Variants in MYBPC2 observed in about 807,000 individuals in gnomAD.
MYBPC2 encodes myosin binding protein C2.
In MYBPC2, 122 loss-of-function variants were observed where a neutral mutation model predicts 137.0. The observed-to-expected ratio is 0.89, with a 90% CI of 0.77 to 1.03. The LOEUF (loss-of-function observed/expected upper bound fraction) is 1.03, where lower values mean the gene tolerates loss of function less well. Among genes scored for constraint, MYBPC2 ranks in the 50% least tolerant of loss-of-function variants. The pLI, the probability that MYBPC2 is intolerant of heterozygous loss-of-function variation, is 0.00. For synonymous variants in MYBPC2, 626 were observed against 612.3 expected (o/e 1.02, Z -0.33); for missense variants, 1,500 against 1,534.4 (o/e 0.98, Z 0.37).
At chr19:50,443,672 G>T (rs754017850) in intron 10 of MYBPC2, 39 bp from the exon 11 acceptor site, 3 of 1,611,372 alleles carry the variant, frequency 1.9e-6, no homozygotes, top group East Asian at 4.5e-5. Context: ...TCTGGAGGGG[G>T]TCCTGAAACG....
chr19:50,455,744 C>T, intron 20 of MYBPC2, 100 bp downstream of exon 20: 2 of 1,494,014 alleles, frequency 1.3e-6, no homozygotes, highest in Non-Finnish European at 1.8e-6. Flanking sequence ...GAGATGGGTG[C>T]AGTGGCCTGC....
intron 1 of MYBPC2, among the ~76,000 whole-genome samples, chr19:50,433,887 G>A (rs1345538502): frequency 6.6e-6 from 1 of 150,950 alleles, no homozygotes; most frequent in East Asian, 2.0e-4. Flanking sequence ...ACCAGCCTGG[G>A]CAACATGGCG....
chr19:50,464,561 C>T, intron 27 of MYBPC2, 29 bp downstream of exon 27: 1 of 1,571,666 alleles, frequency 6.4e-7, no homozygotes, highest in East Asian at 2.3e-5. Flanking sequence ...CCAACACTGG[C>T]TGACCCTTGC....
intron 20 of MYBPC2, among the ~76,000 whole-genome samples, chr19:50,456,421 G>A (rs893748149): frequency 3.7e-5 from 5 of 134,594 alleles, no homozygotes; most frequent in Admixed American, 8.6e-5. Flanking sequence ...TATTTCCTTC[G>A]TTTCTCTCTC....
rs202201938 is a variant in MYBPC2 at position 50,436,069 on chromosome 19, C to T, written c.254C>T (p.Thr85Ile). 4 of 1,584,496 alleles carry T rather than the reference C, an allele frequency of 2.5e-6. No individual in the cohort carries two copies. The highest frequency in any genetic ancestry group is 3.4e-6 in the Non-Finnish European group (4 of 1,165,354). Residue 85 changes from threonine to isoleucine, a missense_variant, in exon 4 of 28, where the codon ACC becomes ATC. Thr to Ile is a moderately conservative substitution (Grantham distance 89). Transcript: ENST00000357701. Reference protein sequence around the residue: ...VNGKELPDKPTIKWFKGKWLE... With the variant: ...VNGKELPDKPIIKWFKGKWLE... The stretch of plus-strand genomic sequence containing the variant: ...GGGAAGGAGCTCCCAGACAAACCGA[C>T]CATCAAGTGGTTCAAGGGGAAGTGG...
chr19:50,460,363 G>A (rs2039961268), intron 24 of MYBPC2, among the ~76,000 whole-genome samples, 184 bp downstream of exon 24: 1 of 152,096 alleles, frequency 6.6e-6, no homozygotes, highest in African/African-American at 2.4e-5. Flanking sequence ...TTTTTTCACT[G>A]AGGTAAACGT....
chr19:50,444,590 T>C (rs2039786430), intron 11 of MYBPC2, among the ~76,000 whole-genome samples: 1 of 152,026 alleles, frequency 6.6e-6, no homozygotes, highest in South Asian at 2.1e-4. Context: ...AGAAAAAAAA[T>C]GTCAACATGG....
intron 16 of MYBPC2, 24 bp from the exon 17 acceptor site, chr19:50,453,996 A>G: frequency 6.4e-7 from 1 of 1,572,354 alleles, no homozygotes; most frequent in Non-Finnish European, 8.6e-7. Context: ...ATGGGGTGCA[A>G]GGCCATCTGG....
chr19:50,451,857 C>T lies in MYBPC2; in HGVS notation c.1610-7C>T, dbSNP rs1345551663. On this transcript the variant is annotated splice_region_variant and splice_polypyrimidine_tract_variant and intron_variant, in intron 15 of 27. Transcript: ENST00000357701. ...CCAGGGTCCCTGTATCTCTTCTGTGCCACCAGAGCCACCAAAGATCCACTT... is the reference window on the plus strand; with the variant it reads ...CCAGGGTCCCTGTATCTCTTCTGTGTCACCAGAGCCACCAAAGATCCACTT... 2 of 1,589,334 alleles carry T rather than the reference C, an allele frequency of 1.3e-6. No individual in the cohort carries two copies. The highest frequency in any genetic ancestry group is 1.8e-5 in the Admixed American group (1 of 56,278).
chr19:50,458,682 G>C lies in MYBPC2; in HGVS notation c.2434G>C (p.Val812Leu). 1 of 1,612,120 alleles carries C rather than the reference G, an allele frequency of 6.2e-7. No homozygotes were observed. Among genetic ancestry groups the C allele is most frequent in the Non-Finnish European group, 8.5e-7 (1 of 1,179,890 alleles). The change falls in exon 21 of 28, where the codon GTT (valine) becomes CTT (leucine). Residue 812 changes from valine to leucine, a missense_variant. Coordinates refer to ENST00000357701, the MANE Select transcript of MYBPC2 (RefSeq NM_004533.4). ...PTGARILFRV[V>L]GVNIAGRSEP... ...CGGAGCCAGAATCCTCTTCCGAGTA[G>C]TTGGGGTCAACATCGCGGGGCGCAG...
At chr19:50,440,319 AAATAAAAT>A (rs879383434) in intron 7 of MYBPC2, among the ~76,000 whole-genome samples, 876 of 86,838 alleles carry the variant, frequency 0.01, 9 homozygotes, top group Non-Finnish European at 0.015. Flanking sequence ...TAACCTGTGG[AAATAAAAT>A]AAATAAATAA....
intron 26 of MYBPC2, among the ~76,000 whole-genome samples, chr19:50,462,595 T>C (rs897949706): frequency 6.6e-6 from 1 of 151,988 alleles, no homozygotes; most frequent in South Asian, 2.1e-4. Context: ...CTTCTTTCTT[T>C]CTTTTTTTTT....
chr19:50,443,354 A>C lies in MYBPC2; in HGVS notation c.903-140A>C. On this transcript the variant is annotated intron_variant, in intron 9 of 27. Coordinates refer to ENST00000357701, the MANE Select transcript of MYBPC2 (RefSeq NM_004533.4). Reference sequence around the variant, plus strand: ...AAATAAAAATAAATAAATAATTGAAACTGGGCCCTCAATCCCTTTCCACAC... The same window carrying C: ...AAATAAAAATAAATAAATAATTGAACCTGGGCCCTCAATCCCTTTCCACAC... 15 of 968,650 alleles carry C rather than the reference A, an allele frequency of 1.5e-5. No individual in the cohort carries two copies. The South Asian group carries it at 2.8e-4, about 18-fold the overall frequency. The allele number at this position is 968,650 out of a possible 1,614,324, so 60.0% of individuals were successfully genotyped here.
intron 11 of MYBPC2, 51 bp downstream of exon 11, chr19:50,443,867 G>A: frequency 6.5e-7 from 1 of 1,542,454 alleles, no homozygotes; most frequent in African/African-American, 1.4e-5. Flanking sequence ...TAGTTTCTTT[G>A]CCTCTGCCTT....
chr19:50,466,217 T>C lies in MYBPC2; in HGVS notation c.*12T>C, dbSNP rs2040015262. 1.2e-6 allele frequency: 2 copies of C among 1,613,930 alleles called. No homozygotes were observed. Among genetic ancestry groups the C allele is most frequent in the Non-Finnish European group, 1.7e-6 (2 of 1,179,856 alleles). ...CAGTGCCGCAGTGAGACCTGTCCCC[T>C]ACCTGCCAAGACAATTGGTGGTGGA... On this transcript the variant is annotated 3_prime_UTR_variant, in exon 28 of 28. Coordinates refer to ENST00000357701, the MANE Select transcript of MYBPC2 (RefSeq NM_004533.4). The surrounding 1 kb of genome is among the most constrained non-coding windows in gnomAD (Gnocchi z 4.9).
In MYBPC2 at chr19:50,451,881, T is replaced by C. The variant is rs138901811; in HGVS notation, c.1627T>C (p.Leu543=). The change falls in exon 16 of 28, where the codon TTG becomes CTG. Residue 543 remains leucine (L), a synonymous_variant. Coordinates refer to ENST00000357701, the MANE Select transcript of MYBPC2 (RefSeq NM_004533.4). Reference sequence around the variant, plus strand: ...GCCACCAGAGCCACCAAAGATCCACTTGGATTGCTCGGGGAAGACCTCAGA... The same window carrying C: ...GCCACCAGAGCCACCAAAGATCCACCTGGATTGCTCGGGGAAGACCTCAGA... ...VPKQEPPKIH[L]DCSGKTSENA... The C allele has an allele frequency of 5.4e-4, 861 of 1,592,760 alleles. 6 individuals are homozygous for C. The African/African-American group carries it at 9.6e-3, about 18-fold the overall frequency.
chr19:50,450,760 G>C, intron 13 of MYBPC2, 69 bp from the exon 14 acceptor site: 6 of 1,124,710 alleles, frequency 5.3e-6, no homozygotes, highest in Non-Finnish European at 7.8e-6. Context: ...AGCTGATTGA[G>C]GCGGTGCAGC....
At chr19:50,459,081 A>ACCCCCC in intron 22 of MYBPC2, 30 bp from the exon 23 acceptor site, 1 of 1,549,898 alleles carries the variant, frequency 6.5e-7, no homozygotes, top group Admixed American at 1.9e-5. Flanking sequence ...AGCCCCGCTG[A>ACCCCCC]CCCCACCCCG....
At chr19:50,447,639 C>T (rs1390728076) in intron 12 of MYBPC2, among the ~76,000 whole-genome samples, 2 of 152,032 alleles carry the variant, frequency 1.3e-5, no homozygotes. Flanking sequence ...GGGTGGATCA[C>T]CTGAGGTCAG....
Sources: allele counts gnomAD v4.1 joint callset (sites outside exome capture counted in the v4.1 genomes callset), GRCh38; gene constraint gnomAD v4.1.1; non-coding constraint Gnocchi (gnomAD v3.1); transcripts MANE v1.5; gene names NCBI Gene and HGNC (gene_info 2026-07-23, HGNC 2026-07-21).